NSD3: variants seen among roughly 807,000 people sequenced by gnomAD.
NSD3 encodes the protein histone-lysine N-methyltransferase NSD3.
Under a neutral mutation model 160.8 loss-of-function variants are expected in NSD3, and 24 were observed. That is an observed-to-expected ratio of 0.15 (90% CI 0.11 to 0.21). The LOEUF (loss-of-function observed/expected upper bound fraction) is 0.21, where lower values mean the gene tolerates loss of function less well. NSD3 is among the 10% of genes least tolerant of loss of function. The pLI is 1.00. For missense variants in NSD3, 1,157 were observed against 1,735.9 expected (o/e 0.67, Z 5.93); for synonymous variants, 520 against 600.0 (o/e 0.87, Z 1.95).
chr8:38,351,387 G>A (rs1034038736), intron 1 of NSD3, among the ~76,000 whole-genome samples: 4 of 150,618 alleles, frequency 2.7e-5, no homozygotes, highest in African/African-American at 7.3e-5. Flanking sequence ...TCCTGAGGCC[G>A]GGCGCCGTGG....
intron 20 of NSD3, 192 bp from the exon 21 acceptor site, chr8:38,279,873 T>G: frequency 1.8e-6 from 1 of 566,400 alleles, no homozygotes; most frequent in Non-Finnish European, 3.0e-6. Flanking sequence ...CAAGTCAAAG[T>G]AATTAGGATA....
intron 16 of NSD3, among the ~76,000 whole-genome samples, chr8:38,292,349 A>G (rs920274504): frequency 6.6e-6 from 1 of 152,250 alleles, no homozygotes; most frequent in Non-Finnish European, 1.5e-5. Flanking sequence ...CCCAGGTATT[A>G]AAAACATACT....
Position 38,329,042 on chromosome 8 carries a change from T to C in NSD3, c.1581+336A>G, listed in dbSNP as rs1027260774. 5.9e-5 allele frequency among the ~76,000 whole-genome samples: 9 copies of C among 152,194 alleles called. No homozygotes were observed. Among genetic ancestry groups the C allele is most frequent in the Non-Finnish European group, 7.3e-5 (5 of 68,032 alleles). On this transcript the variant is annotated intron_variant, in intron 6 of 23. Transcript: ENST00000317025. The surrounding 1 kb of genome is among the most constrained non-coding windows in gnomAD (Gnocchi z 4.8). Reference sequence around the variant, plus strand: ...TGACAAAAATGATTTTAATAAGAAGTACACTTTGCAACTAAGAAAAGCTAA... The same window carrying C: ...TGACAAAAATGATTTTAATAAGAAGCACACTTTGCAACTAAGAAAAGCTAA...
rs760576781 is a variant in NSD3, at chr8:38,314,706, T to C, written c.2183A>G (p.Glu728Gly). ...AGGAAGTGATGCCAATCCCAGGCAC[T>C]CCAGGTGAAAGTGTTTGCAGCACTC... ...EGECCKHFHLECLGLASLPDS... is the reference protein window; with the variant it reads ...EGECCKHFHLGCLGLASLPDS... Residue 728 changes from glutamate to glycine, a missense_variant, in exon 12 of 24, where the codon GAG (glutamate) becomes GGG (glycine). Physicochemically the swap from Glu to Gly is moderately conservative, Grantham distance 98. Around this residue, in one of 10 missense-constraint regions of NSD3, gnomAD observed 437 missense variants for 576.6 expected, o/e 0.76. Transcript: ENST00000317025. 3.1e-6 allele frequency: 5 copies of C among 1,614,234 alleles called. No individual in the cohort carries two copies. The East Asian group carries it at 1.1e-4, about 36-fold the overall frequency.
At position 38,348,259 on chromosome 8, in the gene NSD3, T is replaced by C. The variant is rs549233474; in HGVS notation, c.-44-44A>G. The C allele has an allele frequency of 1.6e-4, 236 of 1,431,746 alleles. 4 individuals carry two copies. In the South Asian group the frequency reaches 3.1e-3, roughly 19 times the overall value. The allele number at this position is 1,431,746 out of a possible 1,614,324, so 88.7% of individuals were successfully genotyped here. A position where few individuals can be genotyped will look rare whatever the true frequency, so the allele number is the denominator to read the frequency against. ...GGATTAGAAGGTGTTACTATTCTCA[T>C]AGGCTAGAGGCTAATCAACTGAAAA... On this transcript the variant is annotated intron_variant, in intron 1 of 23. Coordinates refer to ENST00000317025, the MANE Select transcript of NSD3 (RefSeq NM_023034.2).
chr8:38,349,665 T>TTCTA (rs1554528130), intron 1 of NSD3, among the ~76,000 whole-genome samples: 1 of 109,810 alleles, frequency 9.1e-6, no homozygotes, highest in Non-Finnish European at 1.8e-5. Flanking sequence ...ATTTCTTTCT[T>TTCTA]TATATATATA....
chr8:38,337,494 T>A (rs1272163431), intron 3 of NSD3, 27 bp from the exon 4 acceptor site: 1 of 1,520,112 alleles, frequency 6.6e-7, no homozygotes, highest in South Asian at 1.3e-5. Flanking sequence ...AAAAACTTCA[T>A]CAGAAATTCA....
chr8:38,305,570 G>A, intron 12 of NSD3, 125 bp from the exon 13 acceptor site: 2 of 776,836 alleles, frequency 2.6e-6, no homozygotes, highest in Non-Finnish European at 1.9e-6. Flanking sequence ...AGAATTTAAT[G>A]CACAAAAAAA....
intron 2 of NSD3, among the ~76,000 whole-genome samples, chr8:38,339,010 C>A (rs775413119): frequency 2.0e-5 from 3 of 151,802 alleles, no homozygotes; most frequent in Non-Finnish European, 4.4e-5. Flanking sequence ...CATGGTGGCG[C>A]ATGCCTGTAG....
chr8:38,304,577 A>T lies in NSD3; in HGVS notation c.2611+10T>A. On this transcript the variant is annotated intron_variant, in intron 14 of 23. Coordinates refer to ENST00000317025, the MANE Select transcript of NSD3 (RefSeq NM_023034.2). ...TCAAAAATAAATGAAGAGAAAAGTC[A>T]GACACTCACCTCTGGCACAAACGAA... The T allele has an allele frequency of 6.2e-7, 1 of 1,602,422 alleles. No individual in the cohort carries two copies. Among genetic ancestry groups the T allele is most frequent in the South Asian group, 1.1e-5 (1 of 88,802 alleles).
chr8:38,365,935 A>G (rs1811094679), intron 1 of NSD3, among the ~76,000 whole-genome samples: 1 of 152,144 alleles, frequency 6.6e-6, no homozygotes, highest in African/African-American at 2.4e-5. Context: ...TATTCCATGT[A>G]GTATAAAGTT....
chr8:38,338,513 C>G (rs1352654460), intron 3 of NSD3, 23 bp downstream of exon 3: 1 of 1,593,924 alleles, frequency 6.3e-7, no homozygotes, highest in Non-Finnish European at 8.6e-7. Context: ...TTTGGTTAGA[C>G]AGTATTCAGT....
chr8:38,377,420 C>T (rs541073633), intron 1 of NSD3, among the ~76,000 whole-genome samples: 15 of 152,232 alleles, frequency 9.9e-5, no homozygotes, highest in Admixed American at 2.6e-4. Context: ...GCAATCTCAG[C>T]TTACTGCGGC....
At chr8:38,360,438 A>G (rs928944899) in intron 1 of NSD3, among the ~76,000 whole-genome samples, 52 of 152,212 alleles carry the variant, frequency 3.4e-4, no homozygotes, top group African/African-American at 1.1e-3. Flanking sequence ...ATGAGGTTTG[A>G]AAAGACTGCT....
In NSD3 at chr8:38,319,160, C is replaced by T; in HGVS notation, c.1810-220G>A. On this transcript the variant is annotated intron_variant, in intron 8 of 23. Coordinates refer to ENST00000317025, the MANE Select transcript of NSD3 (RefSeq NM_023034.2). The surrounding 1 kb of genome is among the most constrained non-coding windows in gnomAD (Gnocchi z 4.1). ...TGAATATCAAGTGACAACACACAGC[C>T]ACATGCTCTCTAGCAAAGACTTTTC... is the stretch of plus-strand genomic sequence containing the variant. 2.0e-6 allele frequency: 1 copy of T among 500,028 alleles called. No homozygotes were observed. The highest frequency in any genetic ancestry group is 3.1e-5 in the South Asian group (1 of 32,610). 31.0% of individuals were successfully genotyped at this position (500,028 alleles called of 1,614,324 possible).
At position 38,338,619 on chromosome 8, in the gene NSD3, G is replaced by C. The variant is rs372420572; in HGVS notation, c.676-12C>G. The C allele has an allele frequency of 6.8e-5, 110 of 1,606,894 alleles. No homozygotes were observed. Among genetic ancestry groups the C allele is most frequent in the Non-Finnish European group, 1.4e-5 (17 of 1,173,842 alleles). ...CTCTCATTTGGTCTCTAGGTGAAAAGGTATAGGTAAGTAGAATAAAATGGC... is the reference window on the plus strand; with the variant it reads ...CTCTCATTTGGTCTCTAGGTGAAAACGTATAGGTAAGTAGAATAAAATGGC... On this transcript the variant is annotated splice_polypyrimidine_tract_variant and intron_variant, in intron 2 of 23. Coordinates refer to ENST00000317025, the MANE Select transcript of NSD3 (RefSeq NM_023034.2).
chr8:38,316,134 C>A lies in NSD3; in HGVS notation c.1856-92G>T. 6.6e-7 allele frequency: 1 copy of A among 1,523,994 alleles called. No individual in the cohort carries two copies. The allele number at this position is 1,523,994 out of a possible 1,614,324, so 94.4% of individuals were successfully genotyped here. A position where few individuals can be genotyped will look rare whatever the true frequency, so the allele number is the denominator to read the frequency against. On this transcript the variant is annotated intron_variant, in intron 9 of 23. Coordinates refer to ENST00000317025, the MANE Select transcript of NSD3 (RefSeq NM_023034.2). The surrounding 1 kb of genome is among the most constrained non-coding windows in gnomAD (Gnocchi z 4.5). ...TGGGAGAATATTTTCTTTTCTCAAACTCATCTTTAGTGTGGAAAAAGCATA... is the reference window on the plus strand; with the variant it reads ...TGGGAGAATATTTTCTTTTCTCAAAATCATCTTTAGTGTGGAAAAAGCATA...
chr8:38,340,384 C>A (rs1810332663), intron 2 of NSD3, among the ~76,000 whole-genome samples: 1 of 152,150 alleles, frequency 6.6e-6, no homozygotes, highest in Non-Finnish European at 1.5e-5. Context: ...GTTGCCTAGG[C>A]TGGAGTGTGG....
At chr8:38,376,495 G>A (rs559891455) in intron 1 of NSD3, among the ~76,000 whole-genome samples, 2 of 151,824 alleles carry the variant, frequency 1.3e-5, no homozygotes, top group African/African-American at 4.8e-5. Flanking sequence ...GAGTGCAATG[G>A]CGCGACCTCA....
Sources: gnomAD v4.1 joint callset for allele counts (sites outside exome capture counted in the v4.1 genomes callset) on GRCh38, gnomAD v4.1.1 for gene constraint, gnomAD v4.1.1 regional missense constraint, Gnocchi (gnomAD v3.1) non-coding constraint, MANE v1.5 for transcripts, NCBI Gene and HGNC (gene_info 2026-07-23, HGNC 2026-07-21) for gene names.